The following FANK1 variants were observed in gnomAD, a reference collection of about 807,000 sequenced individuals.
FANK1 encodes the protein fibronectin type III and ankyrin repeat domains 1.
A neutral mutation model predicts 45.3 loss-of-function variants in FANK1; 44 were observed. The ratio of observed to expected loss-of-function variants is 0.97; its 90% CI spans 0.76 to 1.25. The LOEUF is 1.25. Ranked by LOEUF, FANK1 falls within the 50% of genes most tolerant of loss-of-function variation. The pLI, the probability that FANK1 is intolerant of heterozygous loss-of-function variation, is 0.00. For missense variants in FANK1, 391 were observed against 424.4 expected (o/e 0.92, Z 0.69); for synonymous variants, 149 against 152.5 (o/e 0.98, Z 0.17).
intron 1 of FANK1, among the ~76,000 whole-genome samples, chr10:125,951,154 TAGTG>T (rs1949194408): frequency 6.8e-6 from 1 of 147,396 alleles, no homozygotes; most frequent in Admixed American, 6.8e-5. Flanking sequence ...GATGACGAGT[TAGTG>T]GGTGCAGCGC....
At chr10:125,940,133 CAA>C (rs1948355308) in intron 1 of FANK1, among the ~76,000 whole-genome samples, 1 of 151,948 alleles carries the variant, frequency 6.6e-6, no homozygotes, top group Admixed American at 6.6e-5. Flanking sequence ...TCAGGTGGGA[CAA>C]GAGACTGAGA....
rs553728997 is a variant in FANK1 at position 125,926,389 on chromosome 10, G to A, written c.13+29734G>A. 1.4e-4 allele frequency among the ~76,000 whole-genome samples: 21 copies of A among 152,370 alleles called. No homozygotes were observed. The South Asian group carries it at 3.8e-3, about 27-fold the overall frequency. ...TAGATACCTAACCACCATCACCATC[G>A]TCAAGATACAGAACAGTTCCATCAG... is the stretch of plus-strand genomic sequence containing the variant. On this transcript the variant is annotated intron_variant, in intron 1 of 10. Transcript: ENST00000368693.
rs143530370 is a variant in FANK1, at chr10:125,990,980, C to T, written c.316+2305C>T. On this transcript the variant is annotated intron_variant, in intron 3 of 10. Transcript: ENST00000368693. ...TATCATGAGAACAGCATGGGAAAGC[C>T]CCACCCCCATGATTCAGTTACCTCC... Among the ~76,000 whole-genome samples the T allele has an allele frequency of 2.8e-3, 429 of 152,252 alleles. 1 individual carries two copies. Among genetic ancestry groups the T allele is most frequent in the African/African-American group, 9.7e-3 (404 of 41,546 alleles).
At chr10:125,934,117 A>G (rs527585938) in intron 1 of FANK1, among the ~76,000 whole-genome samples, 1 of 152,206 alleles carries the variant, frequency 6.6e-6, no homozygotes, top group African/African-American at 2.4e-5. Context: ...AATAAAACAC[A>G]GTCCTGCTCT....
intron 6 of FANK1, among the ~76,000 whole-genome samples, chr10:126,000,242 A>G (rs183149840): frequency 1.3e-5 from 2 of 152,346 alleles, no homozygotes; most frequent in African/African-American, 4.8e-5. Flanking sequence ...ATTCTTGGGA[A>G]CCTGTCAAAA....
At chr10:126,004,032 A>G (rs1318333757) in intron 6 of FANK1, 1 of 152,072 alleles carries the variant, frequency 6.6e-6, no homozygotes, top group Non-Finnish European at 1.5e-5. Context: ...GCCTGAATCA[A>G]TTATTTAATT....
At chr10:126,007,177 C>T (rs1345391559) in intron 7 of FANK1, 2 of 152,182 alleles carry the variant, frequency 1.3e-5, no homozygotes, top group African/African-American at 4.8e-5. Context: ...CACCTTCTTC[C>T]CAAATGTAAT....
intron 1 of FANK1, among the ~76,000 whole-genome samples, chr10:125,955,429 G>C (rs1048629016): frequency 2.6e-5 from 4 of 152,112 alleles, no homozygotes; most frequent in African/African-American, 9.7e-5. Flanking sequence ...CAAAGGATAT[G>C]ATCTTGTTCC....
intron 1 of FANK1, among the ~76,000 whole-genome samples, chr10:125,941,359 G>C (rs1186632973): frequency 6.6e-6 from 1 of 152,184 alleles, no homozygotes; most frequent in Non-Finnish European, 1.5e-5. Flanking sequence ...AGGGAAATAA[G>C]ACCATCGTAA....
At chr10:125,921,486 G>A (rs1454917097) in intron 1 of FANK1, among the ~76,000 whole-genome samples, 2 of 152,056 alleles carry the variant, frequency 1.3e-5, no homozygotes, top group Non-Finnish European at 2.9e-5. Flanking sequence ...AATTCACAAA[G>A]TGCTTTTTGT....
intron 1 of FANK1, among the ~76,000 whole-genome samples, chr10:125,946,286 G>A (rs1330975840): frequency 6.6e-6 from 1 of 150,600 alleles, no homozygotes; most frequent in Non-Finnish European, 1.5e-5. Context: ...GAGAGAAGAA[G>A]GCTTCAGACG....
At chr10:125,985,322 C>T (rs921784505) in intron 2 of FANK1, among the ~76,000 whole-genome samples, 2 of 152,144 alleles carry the variant, frequency 1.3e-5, no homozygotes, top group Non-Finnish European at 2.9e-5. Flanking sequence ...ATTGAGGGCT[C>T]AGTTTCTATG....
intron 1 of FANK1, among the ~76,000 whole-genome samples, chr10:125,912,516 A>T (rs937974555): frequency 2.0e-5 from 3 of 152,038 alleles, no homozygotes; most frequent in African/African-American, 7.2e-5. Context: ...AGGGAAAGAA[A>T]CAGCTCTCTT....
intron 6 of FANK1, chr10:126,004,251 C>G (rs1953006296): frequency 6.6e-6 from 1 of 150,420 alleles, no homozygotes; most frequent in African/African-American, 2.4e-5. Context: ...CTAATAGTGT[C>G]AAATGAGTAT....
chr10:125,905,374 C>A (rs1388404972), intron 1 of FANK1, among the ~76,000 whole-genome samples: 10 of 149,062 alleles, frequency 6.7e-5, no homozygotes, highest in African/African-American at 2.6e-4. Flanking sequence ...CCAGTGAAGC[C>A]ATCAGGAACT....
chr10:125,913,862 G>T (rs868208218), intron 1 of FANK1, among the ~76,000 whole-genome samples: 2 of 152,136 alleles, frequency 1.3e-5, no homozygotes, highest in Non-Finnish European at 2.9e-5. Flanking sequence ...TCAAGACCAG[G>T]CAGTTTACAC....
At chr10:125,971,924 G>C (rs1950547008) in intron 1 of FANK1, among the ~76,000 whole-genome samples, 1 of 152,134 alleles carries the variant, frequency 6.6e-6, no homozygotes. Context: ...ACTGCGCCCG[G>C]CCGCTCCGGT....
intron 2 of FANK1, 79 bp from the exon 3 acceptor site, chr10:125,988,472 C>G (rs1311569561): frequency 6.5e-7 from 1 of 1,541,916 alleles, no homozygotes; most frequent in Admixed American, 1.9e-5. Context: ...ATCACTTCCA[C>G]CTGCTCTTCT....
At chr10:125,940,716 G>C (rs1374259870) in intron 1 of FANK1, among the ~76,000 whole-genome samples, 3 of 152,148 alleles carry the variant, frequency 2.0e-5, no homozygotes, top group Non-Finnish European at 4.4e-5. Context: ...CATATCTCAG[G>C]CTGTCTCAGT....
Sources: allele counts gnomAD v4.1 joint callset (sites outside exome capture counted in the v4.1 genomes callset), GRCh38; gene constraint gnomAD v4.1.1; transcripts MANE v1.5; gene names NCBI Gene and HGNC (gene_info 2026-07-23, HGNC 2026-07-21).